SEM1: variants seen among roughly 807,000 people sequenced by gnomAD.
The protein encoded by SEM1 is SEM1 26S proteasome subunit.
In SEM1, 3 loss-of-function variants were observed where a neutral mutation model predicts 12.7. The observed-to-expected ratio is 0.24, with a 90% CI of 0.11 to 0.61. The LOEUF (loss-of-function observed/expected upper bound fraction) is 0.61. SEM1 is among the 20% of genes least tolerant of loss of function. SEM1 has a pLI of 0.88. For synonymous variants in SEM1, 30 were observed against 27.8 expected (o/e 1.08, Z -0.25); for missense variants, 59 against 81.3 (o/e 0.73, Z 1.06).
downstream of SEM1, among the ~76,000 whole-genome samples, chr7:96,685,759 C>A (rs137904555): frequency 1.5e-3 from 223 of 148,310 alleles, 1 homozygote; most frequent in African/African-American, 5.4e-3. Context: ...AGGCAACTCC[C>A]ATATAAGTGG....
chr7:96,635,385 A>G (rs62470368), intron 2 of SEM1, among the ~76,000 whole-genome samples: 26,844 of 152,064 alleles, frequency 0.18, 2,592 homozygotes, highest in South Asian at 0.23. Flanking sequence ...GTTGGGCAAT[A>G]ATCGATGATT....
chr7:96,502,376 G>T lies in SEM1; in HGVS notation c.*60+4247C>A, dbSNP rs566361310. Among the ~76,000 whole-genome samples the T allele has an allele frequency of 2.8e-4, 42 of 152,206 alleles. No individual in the cohort carries two copies. In the South Asian group the frequency reaches 4.4e-3, roughly 16 times the overall value. ...ACAAGGCCTTTGTTCATTTGCTGTG[G>T]ATAGGTAGTGGCAGTCTGAAACACT... is the stretch of plus-strand genomic sequence containing the variant. On this transcript the variant is annotated intron_variant and NMD_transcript_variant, in intron 3 of 3. Transcript: ENST00000466986.
intron 2 of SEM1, among the ~76,000 whole-genome samples, chr7:96,556,952 T>C (rs1333239947): frequency 6.0e-5 from 9 of 149,364 alleles, no homozygotes; most frequent in East Asian, 5.9e-4. Context: ...CATCTTCCAT[T>C]GCTGATACCC....
chr7:96,547,181 A>C (rs1227634061), intron 2 of SEM1, among the ~76,000 whole-genome samples: 1 of 152,170 alleles, frequency 6.6e-6, no homozygotes, highest in South Asian at 2.1e-4. Flanking sequence ...CTATATAAGC[A>C]TATGCATTTT....
chr7:96,495,286 C>A (rs1337049604), intron 1 of SEM1, among the ~76,000 whole-genome samples: 1 of 151,962 alleles, frequency 6.6e-6, no homozygotes, highest in African/African-American at 2.4e-5. Flanking sequence ...AAATAAATAC[C>A]AAATTTGGAG....
chr7:96,597,503 G>T (rs550387041), intron 2 of SEM1, among the ~76,000 whole-genome samples: 2 of 152,036 alleles, frequency 1.3e-5, no homozygotes, highest in African/African-American at 4.8e-5. Flanking sequence ...TTATCCTTGA[G>T]ATATTAGCAA....
chr7:96,702,901 A>G (rs1472720313), intron 1 of SEM1, among the ~76,000 whole-genome samples: 1 of 152,220 alleles, frequency 6.6e-6, no homozygotes, highest in African/African-American at 2.4e-5. Context: ...AACATTCTAC[A>G]AAATATCTGG....
At chr7:96,591,754 A>G (rs1806835348) in intron 2 of SEM1, among the ~76,000 whole-genome samples, 1 of 151,096 alleles carries the variant, frequency 6.6e-6, no homozygotes, top group African/African-American at 2.4e-5. Context: ...CTTCAAATGT[A>G]TTCTAATTCA....
downstream of SEM1, among the ~76,000 whole-genome samples, chr7:96,670,161 ATTTT>A (rs1789276991): frequency 6.6e-6 from 1 of 152,198 alleles, no homozygotes; most frequent in Non-Finnish European, 1.5e-5. Flanking sequence ...AAAATCTACA[ATTTT>A]ATTACTAATA....
intron 2 of SEM1, among the ~76,000 whole-genome samples, chr7:96,561,522 G>T (rs543807461): frequency 6.6e-6 from 1 of 152,178 alleles, no homozygotes; most frequent in Non-Finnish European, 1.5e-5. Flanking sequence ...ACCTGCTGCC[G>T]CTTCTCACTG....
chr7:96,534,923 T>C (rs1426387985), intron 2 of SEM1, among the ~76,000 whole-genome samples: 4 of 152,040 alleles, frequency 2.6e-5, no homozygotes, highest in Non-Finnish European at 5.9e-5. Flanking sequence ...TAATTTCTAA[T>C]ATAATAGATA....
intron 2 of SEM1, among the ~76,000 whole-genome samples, chr7:96,692,034 T>C (rs1789945199): frequency 6.6e-6 from 1 of 152,086 alleles, no homozygotes; most frequent in African/African-American, 2.4e-5. Flanking sequence ...ACAACAAAAA[T>C]AGATTTATAT....
intron 2 of SEM1, among the ~76,000 whole-genome samples, chr7:96,552,772 T>G (rs1167242047): frequency 6.6e-6 from 1 of 152,170 alleles, no homozygotes; most frequent in Non-Finnish European, 1.5e-5. Context: ...ATCGCCACAC[T>G]GACTTCCACA....
rs1026454872 is a variant in SEM1 at position 96,681,609 on chromosome 7, C to G, written c.171-7750G>C. Among the ~76,000 whole-genome samples the G allele has an allele frequency of 5.9e-5, 9 of 152,130 alleles. No homozygotes were observed. In the East Asian group the frequency reaches 1.7e-3, roughly 29 times the overall value. ...GTTTCAGCTTTCTATGTATGGCTAG[C>G]CAGTTTTCCCAACACCATTTATTAA... On this transcript the variant is annotated intron_variant, in intron 2 of 2. Coordinates refer to the SEM1 transcript ENST00000413065.
chr7:96,622,433 G>C, downstream of SEM1: 1 of 530,554 alleles, frequency 1.9e-6, no homozygotes, highest in African/African-American at 1.9e-5. Context: ...AACAGTAGTC[G>C]ATTCAGGAGA....
At chr7:96,560,408 T>A (rs981104390) in intron 2 of SEM1, among the ~76,000 whole-genome samples, 3 of 152,200 alleles carry the variant, frequency 2.0e-5, no homozygotes, top group African/African-American at 7.2e-5. Context: ...TTTGCTTTTT[T>A]CATAAATTTA....
chr7:96,620,765 C>A (rs1211676731), downstream of SEM1, among the ~76,000 whole-genome samples: 1 of 152,186 alleles, frequency 6.6e-6, no homozygotes, highest in African/African-American at 2.4e-5. Flanking sequence ...GTACTCCTTG[C>A]CTCTAATCAG....
chr7:96,597,319 T>G (rs947105133), intron 2 of SEM1, among the ~76,000 whole-genome samples: 1 of 152,142 alleles, frequency 6.6e-6, no homozygotes, highest in Non-Finnish European at 1.5e-5. Flanking sequence ...AAAGTTTACC[T>G]TAGATAAAGA....
chr7:96,551,520 T>C (rs1805270470), intron 2 of SEM1, among the ~76,000 whole-genome samples: 1 of 151,332 alleles, frequency 6.6e-6, no homozygotes, highest in Admixed American at 6.6e-5. Context: ...GCCAACATGG[T>C]GAATGAAACC....
Sources: allele counts gnomAD v4.1 joint callset (sites outside exome capture counted in the v4.1 genomes callset), GRCh38; gene constraint gnomAD v4.1.1; transcripts MANE v1.5; gene names NCBI Gene and HGNC (gene_info 2026-07-23, HGNC 2026-07-21).